CFAP77: variants seen among roughly 807,000 people sequenced by gnomAD.
CFAP77 encodes cilia and flagella associated protein 77, also known as cilia- and flagella-associated protein 77.
Under a neutral mutation model 31.1 loss-of-function variants are expected in CFAP77, and 25 were observed. The ratio of observed to expected loss-of-function variants is 0.80; its 90% confidence interval spans 0.59 to 1.12. The LOEUF (loss-of-function observed/expected upper bound fraction) is 1.12. CFAP77 is among the 50% of genes most tolerant of loss of function. CFAP77 has a pLI of 0.00. For synonymous variants in CFAP77, 151 were observed against 159.9 expected, an observed-to-expected ratio of 0.94 and a Z score of 0.42; for missense variants, 377 against 397.3, an observed-to-expected ratio of 0.95 and a Z score of 0.44.
chr9:132,411,972 TA>T (rs1231770132), intron 1 of CFAP77, among the ~76,000 whole-genome samples: 1 of 152,248 alleles, frequency 6.6e-6, no homozygotes, highest in Non-Finnish European at 1.5e-5. Flanking sequence ...ATATGTATAA[TA>T]TACATGTACA....
chr9:132,482,807 T>G (rs1409458268), intron 1 of CFAP77, among the ~76,000 whole-genome samples: 165 of 30,336 alleles, frequency 5.4e-3, no homozygotes, highest in Middle Eastern at 0.071. Context: ...TGTTGTGGGG[T>G]GGGGGGAGGG....
intron 1 of CFAP77, among the ~76,000 whole-genome samples, chr9:132,438,856 G>A (rs1172457497): frequency 6.7e-6 from 1 of 150,032 alleles, no homozygotes; most frequent in African/African-American, 2.4e-5. Flanking sequence ...TTTGTTTCTT[G>A]TTTTTTCTTT....
rs1401581761 is a variant in CFAP77, at chr9:132,480,077, A to G, written c.196-18618A>G. Reference sequence around the variant, plus strand: ...AGAGCTGGTGGGGGGGACCCTGAAAATCAACCGGCTCAGCCCCCTCATTTT... The same window carrying G: ...AGAGCTGGTGGGGGGGACCCTGAAAGTCAACCGGCTCAGCCCCCTCATTTT... On this transcript the variant is annotated intron_variant, in intron 1 of 5. Transcript: ENST00000393216. This position sits in a 1 kb window ranked among gnomAD's most constrained non-coding sequence, Gnocchi z 5.8. Among the ~76,000 whole-genome samples, 2 of 152,144 alleles carry G rather than the reference A, an allele frequency of 1.3e-5. No homozygotes were observed. Among genetic ancestry groups the G allele is most frequent in the African/African-American group, 2.4e-5 (1 of 41,438 alleles).
chr9:132,420,827 G>A (rs1191579753), intron 1 of CFAP77, among the ~76,000 whole-genome samples: 1 of 152,138 alleles, frequency 6.6e-6, no homozygotes, highest in Non-Finnish European at 1.5e-5. Context: ...TGTCCTTGAA[G>A]AGCTTACAAT....
intron 1 of CFAP77, among the ~76,000 whole-genome samples, chr9:132,443,315 G>A (rs1300501303): frequency 6.6e-6 from 1 of 150,540 alleles, no homozygotes; most frequent in Non-Finnish European, 1.5e-5. Context: ...GTGCAACGGC[G>A]TGATCTCGGC....
intron 1 of CFAP77, among the ~76,000 whole-genome samples, chr9:132,486,108 T>A (rs1434687664): frequency 9.0e-6 from 1 of 111,206 alleles, no homozygotes; most frequent in Admixed American, 9.3e-5. Context: ...TTTTTTTTTT[T>A]TTGAGACGGA....
At position 132,481,969 on chromosome 9, in the gene CFAP77, G is replaced by T. The variant is rs114337785; in HGVS notation, c.196-16726G>T. Among the ~76,000 whole-genome samples, 150 of 148,172 alleles carry T rather than the reference G, an allele frequency of 1.0e-3. 1 individual carries two copies. The highest frequency in any genetic ancestry group is 6.9e-3 in the Middle Eastern group (2 of 290). On this transcript the variant is annotated intron_variant, in intron 1 of 5. Coordinates refer to ENST00000393216, the MANE Select transcript of CFAP77 (RefSeq NM_001282957.2). The surrounding 1 kb of genome is among the most constrained non-coding windows in gnomAD (Gnocchi z 5.0). ...ACAAGGGTTTATGGTTGGGGGGGGG[G>T]GGGGCGGCGGAACACTGAACATTTT...
intron 3 of CFAP77, among the ~76,000 whole-genome samples, chr9:132,507,866 TC>T (rs1004289847): frequency 3.6e-4 from 55 of 151,364 alleles, no homozygotes; most frequent in Non-Finnish European, 3.4e-4. Flanking sequence ...CTCGCAAAGA[TC>T]CCCGGGCCTC....
chr9:132,513,500 G>C (rs988175894), intron 3 of CFAP77: 1 of 968,968 alleles, frequency 1.0e-6, no homozygotes, highest in Non-Finnish European at 1.5e-6. Flanking sequence ...TTTCCACCCA[G>C]CGTGCCCAGT....
rs753517547 is a variant in CFAP77 at position 132,537,587 on chromosome 9, C to T, written c.525-14C>T. The T allele has an allele frequency of 6.2e-6, 10 of 1,601,710 alleles. No homozygotes were observed. The highest frequency in any genetic ancestry group is 1.1e-5 in the South Asian group (1 of 89,428). On this transcript the variant is annotated splice_polypyrimidine_tract_variant and intron_variant, in intron 3 of 5. Coordinates refer to ENST00000393216, the MANE Select transcript of CFAP77 (RefSeq NM_001282957.2). ...TCCGGGGCCTCAAGCTCTGTCTGGA[C>T]TTCTTCCCTCCAGGCCTTCCACACC...
At chr9:132,513,000 GTATTT>G (rs1467382369) in intron 3 of CFAP77, among the ~76,000 whole-genome samples, 3 of 152,042 alleles carry the variant, frequency 2.0e-5, no homozygotes, top group Non-Finnish European at 4.4e-5. Context: ...TGAGGAGCAG[GTATTT>G]TATTTTTTTA....
chr9:132,506,695 T>C (rs73659066), intron 3 of CFAP77, among the ~76,000 whole-genome samples: 4,742 of 152,254 alleles, frequency 0.031, 172 homozygotes, highest in African/African-American at 0.08. Flanking sequence ...TTATTATTAC[T>C]ACCTCAGGTC....
Position 132,450,401 on chromosome 9 carries a change from G to A in CFAP77, c.195+39935G>A, listed in dbSNP as rs115827671. ...GCCTGGCAGTGGAGAAGTTGGGAGAGCAATAGATGGCCTCAGGATGTGGAC... is the reference window on the plus strand; with the variant it reads ...GCCTGGCAGTGGAGAAGTTGGGAGAACAATAGATGGCCTCAGGATGTGGAC... On this transcript the variant is annotated intron_variant, in intron 1 of 5. Coordinates refer to ENST00000393216, the MANE Select transcript of CFAP77 (RefSeq NM_001282957.2). 9.8e-3 allele frequency among the ~76,000 whole-genome samples: 1,496 copies of A among 152,226 alleles called. 27 individuals carry two copies. Among genetic ancestry groups the A allele is most frequent in the African/African-American group, 0.034 (1,407 of 41,522 alleles).
At chr9:132,524,931 A>C (rs546620036) in intron 3 of CFAP77, among the ~76,000 whole-genome samples, 2 of 149,314 alleles carry the variant, frequency 1.3e-5, no homozygotes, top group Admixed American at 6.6e-5. Flanking sequence ...TACAGGCGTG[A>C]GCCACTGTAC....
intron 1 of CFAP77, among the ~76,000 whole-genome samples, chr9:132,468,688 C>T (rs918689763): frequency 1.3e-5 from 2 of 152,116 alleles, no homozygotes; most frequent in Non-Finnish European, 2.9e-5. Context: ...ATGTAAGCAT[C>T]GTGAAGGACT....
In CFAP77 at chr9:132,545,943, C is replaced by T. The variant is rs538485457; in HGVS notation, c.732+2896C>T. On this transcript the variant is annotated intron_variant, in intron 5 of 5. Transcript: ENST00000393216. The surrounding 1 kb of genome is among the most constrained non-coding windows in gnomAD (Gnocchi z 4.6). ...CCAAGGGATCCTTTCTTCCCCTTCA[C>T]GGCACTTAACTCTGCAATTAATTAA... Among the ~76,000 whole-genome samples the T allele has an allele frequency of 1.6e-4, 24 of 152,234 alleles. No individual in the cohort carries two copies. The highest frequency in any genetic ancestry group is 5.2e-4 in the Admixed American group (8 of 15,284).
At chr9:132,440,604 T>C (rs1323591844) in intron 1 of CFAP77, among the ~76,000 whole-genome samples, 2 of 152,188 alleles carry the variant, frequency 1.3e-5, no homozygotes, top group Non-Finnish European at 2.9e-5. Context: ...CCCATCCTCT[T>C]GTTAGTAACT....
intron 1 of CFAP77, among the ~76,000 whole-genome samples, chr9:132,479,793 T>C (rs929645572): frequency 1.3e-5 from 2 of 152,224 alleles, no homozygotes; most frequent in Admixed American, 1.3e-4. Flanking sequence ...TGCAGATATT[T>C]AGAATGGCCT....
chr9:132,567,701 C>T (rs944860191), intron 5 of CFAP77, among the ~76,000 whole-genome samples: 1 of 152,194 alleles, frequency 6.6e-6, no homozygotes, highest in African/African-American at 2.4e-5. Flanking sequence ...GGAGGCCAGA[C>T]CAACAAAATC....
Sources: allele counts gnomAD v4.1 joint callset (sites outside exome capture counted in the v4.1 genomes callset), GRCh38; gene constraint gnomAD v4.1.1; non-coding constraint Gnocchi (gnomAD v3.1); transcripts MANE v1.5; gene names NCBI Gene and HGNC (gene_info 2026-07-23, HGNC 2026-07-21).